The following MCTP1 variants were observed in gnomAD, a reference collection of about 807,000 sequenced individuals.
The protein encoded by MCTP1 is multiple C2 and transmembrane domain-containing protein 1.
A neutral mutation model predicts 120.6 loss-of-function variants in MCTP1; 69 were observed. That is an observed-to-expected ratio of 0.57 (90% CI 0.47 to 0.70). MCTP1 has a LOEUF of 0.70. MCTP1 is among the 30% of genes least tolerant of loss of function. The pLI is 0.00. For synonymous variants in MCTP1, 529 were observed against 493.1 expected (o/e 1.07, Z -0.96); for missense variants, 1,203 against 1,248.8 (o/e 0.96, Z 0.55).
chr5:95,195,812 G>A (rs999034881), intron 1 of MCTP1, among the ~76,000 whole-genome samples: 2 of 152,112 alleles, frequency 1.3e-5, no homozygotes, highest in African/African-American at 4.8e-5. Flanking sequence ...TATATGTATA[G>A]AAGTAAAAAT....
chr5:94,796,621 A>ATAATATATATTATATATG (rs1780104566), intron 18 of MCTP1, among the ~76,000 whole-genome samples: 3 of 96,580 alleles, frequency 3.1e-5, no homozygotes, highest in Non-Finnish European at 6.6e-5. Flanking sequence ...TATAATATAT[A>ATAATATATATTATATATG]TAATATATAT....
intron 17 of MCTP1, among the ~76,000 whole-genome samples, chr5:94,823,217 A>G (rs1186738683): frequency 6.6e-6 from 1 of 152,140 alleles, no homozygotes; most frequent in Admixed American, 6.5e-5. Context: ...TCTCAAGTTA[A>G]TTTTTGTATA....
At chr5:95,001,827 A>C (rs1581777480) in intron 2 of MCTP1, among the ~76,000 whole-genome samples, 2 of 152,350 alleles carry the variant, frequency 1.3e-5, no homozygotes, top group African/African-American at 4.8e-5. Context: ...AAATCTGCAG[A>C]AGTAACGAGG....
At chr5:94,710,145 C>G (rs533149144) in intron 21 of MCTP1, 1 of 151,932 alleles carries the variant, frequency 6.6e-6, no homozygotes, top group South Asian at 2.1e-4. Flanking sequence ...GTTTTCCAAA[C>G]CAAGAATTTT....
chr5:94,728,477 A>G (rs1580345599), intron 19 of MCTP1, among the ~76,000 whole-genome samples: 1 of 152,218 alleles, frequency 6.6e-6, no homozygotes. Context: ...GATTGAGGCT[A>G]TGATGTACTT....
At chr5:94,999,882 T>A (rs1221384637) in intron 2 of MCTP1, among the ~76,000 whole-genome samples, 1 of 152,152 alleles carries the variant, frequency 6.6e-6, no homozygotes, top group Non-Finnish European at 1.5e-5. Context: ...GTGTTATAGA[T>A]AAACACTGGA....
chr5:95,259,976 C>G (rs1309790440), intron 1 of MCTP1, among the ~76,000 whole-genome samples: 1 of 152,178 alleles, frequency 6.6e-6, no homozygotes, highest in Non-Finnish European at 1.5e-5. Flanking sequence ...TTGTGCCTGA[C>G]TGCATACTGA....
chr5:95,208,618 G>A (rs1040091813), intron 1 of MCTP1, among the ~76,000 whole-genome samples: 4 of 151,890 alleles, frequency 2.6e-5, no homozygotes, highest in African/African-American at 7.3e-5. Flanking sequence ...CAGAGGAGCT[G>A]GAACTTCAAC....
At chr5:95,138,381 CT>C (rs1195667776) in intron 1 of MCTP1, among the ~76,000 whole-genome samples, 2 of 152,162 alleles carry the variant, frequency 1.3e-5, no homozygotes, top group Non-Finnish European at 2.9e-5. Context: ...AGAACACAGC[CT>C]TGTCAATCTC....
intron 19 of MCTP1, among the ~76,000 whole-genome samples, chr5:94,767,144 C>T (rs1388049280): frequency 6.6e-6 from 1 of 152,186 alleles, no homozygotes; most frequent in Admixed American, 6.5e-5. Flanking sequence ...TGTGATACAT[C>T]ACATTAACAG....
intron 17 of MCTP1, among the ~76,000 whole-genome samples, chr5:94,840,176 G>GAA (rs151066589): frequency 4.0e-5 from 6 of 149,482 alleles, no homozygotes; most frequent in Admixed American, 3.3e-4. Context: ...AGTGTAGCTG[G>GAA]AAAAAAAAAA....
intron 18 of MCTP1, among the ~76,000 whole-genome samples, chr5:94,790,946 T>C (rs921042470): frequency 1.3e-5 from 2 of 151,746 alleles, no homozygotes; most frequent in Non-Finnish European, 2.9e-5. Context: ...AAAAATTTCT[T>C]TAGGATTTTC....
intron 17 of MCTP1, among the ~76,000 whole-genome samples, chr5:94,837,792 G>C (rs763744420): frequency 1.8e-4 from 28 of 152,184 alleles, no homozygotes; most frequent in Non-Finnish European, 1.3e-4. Context: ...TCTTAAAGTA[G>C]AATAAGCCCT....
intron 1 of MCTP1, among the ~76,000 whole-genome samples, chr5:95,273,160 A>T (rs1034285698): frequency 6.6e-6 from 1 of 152,274 alleles, no homozygotes; most frequent in Admixed American, 6.5e-5. Context: ...GATATTTTGG[A>T]AAACATCTGG....
intron 19 of MCTP1, among the ~76,000 whole-genome samples, chr5:94,772,421 C>T (rs1774298801): frequency 6.6e-6 from 1 of 152,148 alleles, no homozygotes; most frequent in Non-Finnish European, 1.5e-5. Flanking sequence ...ATGCAGCTGC[C>T]AGCTGCCATC....
chr5:95,146,038 TAATTACTGATTC>T (rs980801940), intron 1 of MCTP1, among the ~76,000 whole-genome samples: 32 of 152,200 alleles, frequency 2.1e-4, no homozygotes, highest in African/African-American at 7.2e-4. Context: ...TCTTTTTTTT[TAATTACTGATTC>T]AATTTCAGAG....
At chr5:95,040,968 A>G (rs1443688892) in intron 1 of MCTP1, among the ~76,000 whole-genome samples, 1 of 152,176 alleles carries the variant, frequency 6.6e-6, no homozygotes, top group African/African-American at 2.4e-5. Flanking sequence ...GTGGAGAGAC[A>G]GAAGTACACT....
chr5:94,851,665 G>A (rs1216621596), intron 17 of MCTP1, among the ~76,000 whole-genome samples: 2 of 151,872 alleles, frequency 1.3e-5, no homozygotes, highest in East Asian at 3.9e-4. Context: ...ATATTTAGAA[G>A]AATCTTAGAT....
rs148720077 is a variant in MCTP1, at chr5:95,196,335, T to A, written c.720+87521A>T. Among the ~76,000 whole-genome samples, 8 of 152,304 alleles carry A rather than the reference T, an allele frequency of 5.3e-5. No homozygotes were observed. The East Asian group carries it at 1.5e-3, about 29-fold the overall frequency. ...ATTAAAATTAATCCTCTCCTAATGA[T>A]CCTTTAAGGTAGGTGGTCCCAATTT... On this transcript the variant is annotated intron_variant, in intron 1 of 22. Coordinates refer to ENST00000515393, the MANE Select transcript of MCTP1 (RefSeq NM_024717.7).
Sources: allele counts gnomAD v4.1 joint callset (sites outside exome capture counted in the v4.1 genomes callset), GRCh38; gene constraint gnomAD v4.1.1; transcripts MANE v1.5; gene names NCBI Gene and HGNC (gene_info 2026-07-23, HGNC 2026-07-21).